Variants in ELMO1 observed in about 807,000 individuals in gnomAD.
ELMO1 encodes the protein engulfment and cell motility protein 1.
ELMO1 carries 26 observed loss-of-function variants against 98.9 expected under a neutral mutation model. The ratio of observed to expected loss-of-function variants is 0.26; its 90% CI spans 0.19 to 0.36. ELMO1 has a LOEUF of 0.36. ELMO1 is among the 10% of genes least tolerant of loss of function. The pLI is 1.00. For missense variants in ELMO1, 627 were observed against 935.2 expected (o/e 0.67, Z 4.30); for synonymous variants, 346 against 346.0 (o/e 1.00, Z 0.00).
chr7:37,143,069 T>G (rs1787744049), intron 13 of ELMO1, among the ~76,000 whole-genome samples: 1 of 152,246 alleles, frequency 6.6e-6, no homozygotes, highest in South Asian at 2.1e-4. Context: ...AAGAACTACG[T>G]GACTAATTAG....
At chr7:37,266,673 G>C (rs995239138) in intron 5 of ELMO1, among the ~76,000 whole-genome samples, 1 of 152,106 alleles carries the variant, frequency 6.6e-6, no homozygotes. Flanking sequence ...ATATATTTGT[G>C]TATTTCTTTA....
At chr7:37,086,853 T>C (rs1348995775) in intron 15 of ELMO1, among the ~76,000 whole-genome samples, 1 of 134,590 alleles carries the variant, frequency 7.4e-6, no homozygotes, top group South Asian at 2.2e-4. Context: ...AAGTCTAGAG[T>C]CATCCCGTGA....
chr7:36,912,915 A>G (rs1784437746), intron 16 of ELMO1, among the ~76,000 whole-genome samples: 1 of 152,222 alleles, frequency 6.6e-6, no homozygotes, highest in African/African-American at 2.4e-5. Context: ...GTTTTTCTGT[A>G]TATGTATGGC....
At chr7:36,883,277 T>C (rs1804642269) in intron 18 of ELMO1, among the ~76,000 whole-genome samples, 2 of 152,358 alleles carry the variant, frequency 1.3e-5, no homozygotes, top group African/African-American at 2.4e-5. Flanking sequence ...TTTCCAATGT[T>C]AGCCCTGGAC....
chr7:37,307,052 T>TA (rs1798647557), intron 4 of ELMO1, among the ~76,000 whole-genome samples: 1 of 152,224 alleles, frequency 6.6e-6, no homozygotes, highest in Admixed American at 6.5e-5. Context: ...ACAAGGACTG[T>TA]ACCTTAATTA....
At chr7:36,878,971 C>T (rs556935861) in intron 18 of ELMO1, among the ~76,000 whole-genome samples, 83 of 152,294 alleles carry the variant, frequency 5.4e-4, no homozygotes, top group South Asian at 4.1e-3. Context: ...TCCCTGCAGC[C>T]GAAGGGCCTC....
chr7:36,901,743 T>C (rs188382372), intron 16 of ELMO1, among the ~76,000 whole-genome samples: 86 of 152,264 alleles, frequency 5.6e-4, no homozygotes, highest in African/African-American at 1.9e-3. Flanking sequence ...ATGTAGAGCA[T>C]TGCACCCAAT....
At chr7:37,295,885 A>T (rs560229912) in intron 4 of ELMO1, among the ~76,000 whole-genome samples, 1 of 152,252 alleles carries the variant, frequency 6.6e-6, no homozygotes, top group Non-Finnish European at 1.5e-5. Context: ...GGTGATCATT[A>T]TAATAATATA....
chr7:36,977,466 T>C lies in ELMO1; in HGVS notation c.1437+35833A>G, dbSNP rs374333845. Among the ~76,000 whole-genome samples, 74 of 152,294 alleles carry C rather than the reference T, an allele frequency of 4.9e-4. 2 individuals carry two copies. The South Asian group carries it at 0.014, about 29-fold the overall frequency. ...GTATATTTACCTACAGTGTTCAAAT[T>C]TGGGGATAAGAGACTTTCATATCCA... On this transcript the variant is annotated intron_variant, in intron 16 of 21. Coordinates refer to ENST00000310758, the MANE Select transcript of ELMO1 (RefSeq NM_014800.11).
chr7:36,955,057 A>G (rs1788330558), intron 16 of ELMO1, among the ~76,000 whole-genome samples: 1 of 152,218 alleles, frequency 6.6e-6, no homozygotes, highest in Admixed American at 6.5e-5. Flanking sequence ...ACAGAGTTTT[A>G]TGGCACACAA....
intron 20 of ELMO1, among the ~76,000 whole-genome samples, chr7:36,868,738 A>G (rs1803257247): frequency 6.6e-6 from 1 of 152,146 alleles, no homozygotes; most frequent in East Asian, 1.9e-4. Flanking sequence ...CCTATTTTAC[A>G]TAATTCCCTC....
intron 1 of ELMO1, among the ~76,000 whole-genome samples, chr7:37,396,218 A>G (rs1167661915): frequency 2.0e-5 from 3 of 152,120 alleles, no homozygotes; most frequent in Non-Finnish European, 2.9e-5. Flanking sequence ...CAGTAGACAT[A>G]ATGATAAGCT....
At chr7:36,856,338 A>G (rs1420910050) in intron 21 of ELMO1, among the ~76,000 whole-genome samples, 1 of 152,214 alleles carries the variant, frequency 6.6e-6, no homozygotes, top group Non-Finnish European at 1.5e-5. Context: ...AAATAGGCTT[A>G]TGCTGCCCAG....
chr7:37,176,674 A>G (rs917446838), intron 13 of ELMO1, among the ~76,000 whole-genome samples: 1 of 152,236 alleles, frequency 6.6e-6, no homozygotes, highest in East Asian at 1.9e-4. Flanking sequence ...TCCTATTACA[A>G]TTATTTGACC....
rs1204521349 is a variant in ELMO1 at position 37,138,415 on chromosome 7, TA to T, written c.1087-5182del. ...TATTACAACTGATACTAGAGAAATA[TA>T]AAAGATTATTCAAGGCTTCTATGAA... On this transcript the variant is annotated intron_variant, in intron 13 of 21. Coordinates refer to ENST00000310758, the MANE Select transcript of ELMO1 (RefSeq NM_014800.11). Among the ~76,000 whole-genome samples, 17 of 151,194 alleles carry T rather than the reference TA, an allele frequency of 1.1e-4. No homozygotes were observed. The East Asian group carries it at 2.9e-3, about 26-fold the overall frequency.
intron 1 of ELMO1, among the ~76,000 whole-genome samples, chr7:37,376,526 G>C (rs918249449): frequency 6.6e-6 from 1 of 152,110 alleles, no homozygotes; most frequent in African/African-American, 2.4e-5. Flanking sequence ...CTGGTGAACC[G>C]ACTACCACCT....
chr7:37,447,659 TCA>T (rs1193255093), intron 1 of ELMO1, among the ~76,000 whole-genome samples: 2 of 106,568 alleles, frequency 1.9e-5, no homozygotes, highest in South Asian at 3.1e-4. Context: ...ACACACACAC[TCA>T]CACACACACC....
chr7:36,918,751 A>C (rs1048039835), intron 16 of ELMO1, among the ~76,000 whole-genome samples: 1 of 152,248 alleles, frequency 6.6e-6, no homozygotes, highest in African/African-American at 2.4e-5. Flanking sequence ...AACTGCTCAA[A>C]AAGAAATACA....
intron 5 of ELMO1, among the ~76,000 whole-genome samples, chr7:37,268,946 G>A (rs142424980): frequency 3.7e-4 from 56 of 152,364 alleles, no homozygotes; most frequent in African/African-American, 1.0e-3. Flanking sequence ...GTGTGCACGC[G>A]CAGGCGTGTG....
Sources: allele counts gnomAD v4.1 joint callset (sites outside exome capture counted in the v4.1 genomes callset), GRCh38; gene constraint gnomAD v4.1.1; transcripts MANE v1.5; gene names NCBI Gene and HGNC (gene_info 2026-07-23, HGNC 2026-07-21).